The following ATP2B2 variants were observed in gnomAD, a reference collection of about 807,000 sequenced individuals.
ATP2B2 encodes the protein plasma membrane calcium-transporting ATPase 2.
In ATP2B2, 15 loss-of-function variants were observed where a neutral mutation model predicts 120.0. The ratio of observed to expected loss-of-function variants is 0.12; its 90% CI spans 0.08 to 0.19. The LOEUF (loss-of-function observed/expected upper bound fraction) is 0.19, where lower values mean the gene tolerates loss of function less well. Among genes scored for constraint, ATP2B2 ranks in the 10% least tolerant of loss-of-function variants. The probability of loss-of-function intolerance (pLI) is 1.00; values close to 1 mark genes in which losing one functional copy is unlikely to be tolerated. For synonymous variants in ATP2B2, 694 were observed against 700.3 expected, an observed-to-expected ratio of 0.99 and a Z score of 0.14; for missense variants, 1,045 against 1,719.8, an observed-to-expected ratio of 0.61 and a Z score of 6.94.
intron 2 of ATP2B2, among the ~76,000 whole-genome samples, chr3:10,594,251 T>C (rs2068710209): frequency 1.3e-5 from 2 of 152,188 alleles, no homozygotes; most frequent in African/African-American, 2.4e-5. Context: ...CATGCTGCTC[T>C]AAAGACACAT....
chr3:10,490,550 G>A (rs2065897054), intron 1 of ATP2B2, among the ~76,000 whole-genome samples: 2 of 152,098 alleles, frequency 1.3e-5, no homozygotes, highest in South Asian at 2.1e-4. Flanking sequence ...ACAGGTGCAC[G>A]CCACCATGCC....
intron 1 of ATP2B2, among the ~76,000 whole-genome samples, chr3:10,462,719 A>T (rs1488993054): frequency 4.6e-5 from 7 of 152,236 alleles, no homozygotes; most frequent in Non-Finnish European, 1.0e-4. Flanking sequence ...AAGCTGCCAC[A>T]TTATGCTGCC....
chr3:10,380,217 G>A (rs2061495334), intron 8 of ATP2B2, among the ~76,000 whole-genome samples: 1 of 152,234 alleles, frequency 6.6e-6, no homozygotes, highest in Non-Finnish European at 1.5e-5. Flanking sequence ...AGGAGCTTGT[G>A]GGCTGGGTGT....
intron 2 of ATP2B2, among the ~76,000 whole-genome samples, chr3:10,445,550 A>T (rs1389355078): frequency 6.6e-6 from 1 of 152,230 alleles, no homozygotes; most frequent in African/African-American, 2.4e-5. Context: ...TCAGGAAAGT[A>T]GGGTCTCCAG....
In ATP2B2 at chr3:10,670,995, G is replaced by T. The variant is rs535399151; in HGVS notation, c.-460+36920C>A. On this transcript the variant is annotated intron_variant, in intron 1 of 21. Coordinates refer to the ATP2B2 transcript ENST00000646379. The stretch of plus-strand genomic sequence containing the variant: ...GTAAAAGAGTTTTCTGCATTGAGTG[G>T]GAGGGTGTATCAGATGACTTCGAAG... Among the ~76,000 whole-genome samples, 3 of 152,338 alleles carry T rather than the reference G, an allele frequency of 2.0e-5. No individual in the cohort carries two copies. In the South Asian group the frequency reaches 6.2e-4, roughly 32 times the overall value.
chr3:10,489,438 T>G (rs1276559700), intron 1 of ATP2B2, among the ~76,000 whole-genome samples: 1 of 152,220 alleles, frequency 6.6e-6, no homozygotes, highest in African/African-American at 2.4e-5. Flanking sequence ...TTGCTTTCAT[T>G]CTATGGAGGA....
intron 6 of ATP2B2, among the ~76,000 whole-genome samples, chr3:10,387,449 T>C (rs1384859357): frequency 6.6e-6 from 1 of 152,226 alleles, no homozygotes; most frequent in Non-Finnish European, 1.5e-5. Flanking sequence ...CTAGAAGTTC[T>C]GAATGTCACA....
At chr3:10,670,036 A>T (rs185734824) in intron 1 of ATP2B2, among the ~76,000 whole-genome samples, 1 of 152,366 alleles carries the variant, frequency 6.6e-6, no homozygotes, top group East Asian at 1.9e-4. Context: ...GCCTGGTGGT[A>T]GTTTATGCAA....
At chr3:10,682,121 T>C (rs899777807) in intron 1 of ATP2B2, among the ~76,000 whole-genome samples, 10 of 152,190 alleles carry the variant, frequency 6.6e-5, no homozygotes, top group Admixed American at 2.0e-4. Flanking sequence ...GTTCTTTCAA[T>C]ATTGATTCCA....
intron 2 of ATP2B2, among the ~76,000 whole-genome samples, chr3:10,619,086 C>A (rs879832071): frequency 2.6e-5 from 4 of 152,156 alleles, no homozygotes; most frequent in Admixed American, 2.6e-4. Context: ...GAAGTGCCAC[C>A]CAGGAGCCAC....
At chr3:10,398,265 G>A (rs2062107233) in intron 5 of ATP2B2, among the ~76,000 whole-genome samples, 1 of 152,148 alleles carries the variant, frequency 6.6e-6, no homozygotes, top group Non-Finnish European at 1.5e-5. Context: ...AGATCTCCAG[G>A]TTCCCGCATG....
chr3:10,552,697 C>A (rs2067695514), intron 2 of ATP2B2, among the ~76,000 whole-genome samples: 1 of 152,222 alleles, frequency 6.6e-6, no homozygotes, highest in African/African-American at 2.4e-5. Flanking sequence ...CAGTGCTGCC[C>A]TGAGGCAGAG....
At chr3:10,532,001 A>G (rs1294851969) in intron 3 of ATP2B2, among the ~76,000 whole-genome samples, 3 of 123,872 alleles carry the variant, frequency 2.4e-5, no homozygotes, top group African/African-American at 9.6e-5. Context: ...CCACCCTGGC[A>G]CCCCCAACCT....
intron 1 of ATP2B2, among the ~76,000 whole-genome samples, chr3:10,670,791 G>C (rs974385261): frequency 7.9e-5 from 12 of 152,208 alleles, no homozygotes; most frequent in Admixed American, 5.2e-4. Context: ...AACTACTCCA[G>C]AGAGCAGAAT....
Position 10,410,706 on chromosome 3 carries a change from C to T in ATP2B2, c.309G>A (p.Leu103=), listed in dbSNP as rs190420972. 7 of 1,614,202 alleles carry T rather than the reference C, an allele frequency of 4.3e-6. No individual in the cohort carries two copies. Among genetic ancestry groups the T allele is most frequent in the East Asian group, 2.2e-5 (1 of 44,884 alleles). The change falls in exon 3 of 23, where the codon CTG becomes CTA. Residue 103 remains leucine (L), a synonymous_variant. Transcript: ENST00000360273. The stretch of plus-strand genomic sequence containing the variant: ...CCAGGATGATGAGCGTCACGTCCTG[C>T]AGCGCCTCCCACACGAGCTGCAGGA... The part of the protein sequence containing the change: ...KTFLQLVWEA[L]QDVTLIILEI...
rs181695648 is a variant in ATP2B2, at chr3:10,397,875, G to T, written c.781+3078C>A. 1.2e-4 allele frequency among the ~76,000 whole-genome samples: 18 copies of T among 152,288 alleles called. No individual in the cohort carries two copies. The East Asian group carries it at 3.1e-3, about 26-fold the overall frequency. ...AGGCAGCCTCTTTTGTCTGATAATGGTCCCAACTGTTACAGAATTCTCTTT... is the reference window on the plus strand; with the variant it reads ...AGGCAGCCTCTTTTGTCTGATAATGTTCCCAACTGTTACAGAATTCTCTTT... On this transcript the variant is annotated intron_variant, in intron 5 of 22. Coordinates refer to ENST00000360273, the MANE Select transcript of ATP2B2 (RefSeq NM_001001331.4).
At chr3:10,535,137 T>C (rs2067286963) in intron 2 of ATP2B2, among the ~76,000 whole-genome samples, 1 of 152,026 alleles carries the variant, frequency 6.6e-6, no homozygotes, top group Admixed American at 6.5e-5. Context: ...CTCCTGAGTT[T>C]AGGTGATCCA....
chr3:10,363,027 C>T (rs2060945332), intron 12 of ATP2B2, among the ~76,000 whole-genome samples: 1 of 152,186 alleles, frequency 6.6e-6, no homozygotes, highest in Non-Finnish European at 1.5e-5. Flanking sequence ...TGCCTAATTA[C>T]TTATTTGCCC....
chr3:10,680,756 G>A (rs1449347747), intron 1 of ATP2B2, among the ~76,000 whole-genome samples: 1 of 152,126 alleles, frequency 6.6e-6, no homozygotes, highest in African/African-American at 2.4e-5. Context: ...GAAAACAGAG[G>A]CACCCTTAGG....
Sources: allele counts gnomAD v4.1 joint callset (sites outside exome capture counted in the v4.1 genomes callset), GRCh38; gene constraint gnomAD v4.1.1; transcripts MANE v1.5; gene names NCBI Gene and HGNC (gene_info 2026-07-23, HGNC 2026-07-21).